Variants in SYT2 observed in about 807,000 individuals in gnomAD.
SYT2 encodes the protein synaptotagmin-2.
A neutral mutation model predicts 39.9 loss-of-function variants in SYT2; 15 were observed. That is an observed-to-expected ratio of 0.38 (90% CI 0.25 to 0.58). The LOEUF is 0.58. Ranked by LOEUF, SYT2 falls within the 20% of genes least tolerant of loss-of-function variation. The pLI is 0.70. For synonymous variants in SYT2, 181 were observed against 204.5 expected (o/e 0.89, Z 0.98); for missense variants, 389 against 530.3 (o/e 0.73, Z 2.62).
At chr1:202,654,415 A>G (rs1692244731) in intron 1 of SYT2, among the ~76,000 whole-genome samples, 1 of 152,174 alleles carries the variant, frequency 6.6e-6, no homozygotes, top group African/African-American at 2.4e-5. Context: ...CTTCGAAGGC[A>G]CCAGAACGCC....
intron 1 of SYT2, among the ~76,000 whole-genome samples, chr1:202,630,853 G>A (rs1466335097): frequency 2.6e-5 from 4 of 152,202 alleles, no homozygotes; most frequent in Non-Finnish European, 5.9e-5. Context: ...AGTACACAGG[G>A]CTCTGGCCTC....
intron 1 of SYT2, among the ~76,000 whole-genome samples, chr1:202,660,366 T>G (rs1396203406): frequency 6.6e-6 from 1 of 152,316 alleles, no homozygotes; most frequent in East Asian, 1.9e-4. Context: ...GAGGATCACA[T>G]GACAATGCAT....
At chr1:202,617,449 T>G (rs1242354609) in intron 1 of SYT2, among the ~76,000 whole-genome samples, 4 of 152,124 alleles carry the variant, frequency 2.6e-5, no homozygotes, top group Non-Finnish European at 4.4e-5. Context: ...CCCCCATGAT[T>G]GTAAGTTTCC....
At chr1:202,627,788 A>G (rs527887134) in intron 1 of SYT2, among the ~76,000 whole-genome samples, 7 of 152,316 alleles carry the variant, frequency 4.6e-5, no homozygotes, top group Non-Finnish European at 1.0e-4. Flanking sequence ...GTCAGGCTCC[A>G]TGCTAAGTGC....
chr1:202,659,477 G>T (rs112538965), intron 1 of SYT2, among the ~76,000 whole-genome samples: 6 of 152,150 alleles, frequency 3.9e-5, no homozygotes, highest in Non-Finnish European at 8.8e-5. Context: ...GAAAGAGAGC[G>T]GCAAAAAGAG....
At chr1:202,629,955 G>A (rs1691532599) in intron 1 of SYT2, among the ~76,000 whole-genome samples, 1 of 147,930 alleles carries the variant, frequency 6.8e-6, no homozygotes, top group Non-Finnish European at 1.5e-5. Context: ...TGGGGAGAGT[G>A]TGGGCATAAG....
chr1:202,706,865 G>C (rs547989868), intron 1 of SYT2, among the ~76,000 whole-genome samples: 2 of 152,108 alleles, frequency 1.3e-5, no homozygotes, highest in Non-Finnish European at 2.9e-5. Context: ...AAAATAACAC[G>C]AATAGTTATC....
chr1:202,663,320 C>T (rs1692421236), intron 1 of SYT2, among the ~76,000 whole-genome samples: 1 of 152,196 alleles, frequency 6.6e-6, no homozygotes, highest in African/African-American at 2.4e-5. Context: ...CATGGACATT[C>T]AGTTGCCATG....
Position 202,702,395 on chromosome 1 carries a change from T to G in SYT2, c.-18+7863A>C, listed in dbSNP as rs377444893. On this transcript the variant is annotated intron_variant, in intron 1 of 8. Transcript: ENST00000367268. ...TGATTTGGAAACAGGGCAGCCTTATTAAAGTGATGCCTTTTCCTACTCGTG... is the reference window on the plus strand; with the variant it reads ...TGATTTGGAAACAGGGCAGCCTTATGAAAGTGATGCCTTTTCCTACTCGTG... Among the ~76,000 whole-genome samples, 6 of 152,350 alleles carry G rather than the reference T, an allele frequency of 3.9e-5. No homozygotes were observed. The East Asian group carries it at 7.7e-4, about 20-fold the overall frequency.
In SYT2 at chr1:202,594,897, TAA is replaced by T. The variant is rs1252728022; in HGVS notation, c.*1858_*1859del. 6.6e-6 allele frequency: 1 copy of T among 152,080 alleles called. No individual in the cohort carries two copies. Among genetic ancestry groups the T allele is most frequent in the African/African-American group, 2.4e-5 (1 of 41,386 alleles). 9.4% of individuals were successfully genotyped at this position (152,080 alleles called of 1,614,324 possible). ...CCCCTTCCCCCTTTTTAAAATAAAA[TAA>T]AAAGACACTCTGCAACTTCTTCACA... On this transcript the variant is annotated 3_prime_UTR_variant, in exon 9 of 9. Transcript: ENST00000367268.
chr1:202,680,828 C>T (rs1004173428), intron 1 of SYT2, among the ~76,000 whole-genome samples: 2 of 152,142 alleles, frequency 1.3e-5, no homozygotes, highest in Admixed American at 1.3e-4. Flanking sequence ...GGTGTGATCC[C>T]ATCATTCTAG....
chr1:202,613,324 G>A (rs185794331), intron 1 of SYT2, among the ~76,000 whole-genome samples: 136 of 152,044 alleles, frequency 8.9e-4, no homozygotes, highest in African/African-American at 1.8e-3. Context: ...CAGGTGATCC[G>A]CCTGCCTCCA....
intron 3 of SYT2, 182 bp downstream of exon 3, chr1:202,604,273 C>G (rs532179338): frequency 6.2e-6 from 4 of 640,962 alleles, no homozygotes; most frequent in Admixed American, 2.5e-5. Flanking sequence ...GGAATAAGGC[C>G]CCCCCCTCCC....
chr1:202,676,224 C>T (rs1458381438), intron 1 of SYT2, among the ~76,000 whole-genome samples: 2 of 152,142 alleles, frequency 1.3e-5, no homozygotes, highest in African/African-American at 2.4e-5. Flanking sequence ...CCACTTCCCA[C>T]ATTCAACCAC....
rs1483186773 is a variant in SYT2 at position 202,710,438 on chromosome 1, T to G, written c.-198A>C. On this transcript the variant is annotated 5_prime_UTR_variant, in exon 1 of 9. Transcript: ENST00000367268. ...GAAGTGCCTTTGCCGCAAGACTTGC[T>G]GAGCTTAGCAGTCTGCGCCGAGGCG... is the stretch of plus-strand genomic sequence containing the variant. 1 of 152,320 alleles carries G rather than the reference T, an allele frequency of 6.6e-6. No homozygotes were observed. Among genetic ancestry groups the G allele is most frequent in the African/African-American group, 2.4e-5 (1 of 41,472 alleles). 9.4% of individuals were successfully genotyped at this position (152,320 alleles called of 1,614,324 possible).
chr1:202,604,728 G>T, intron 2 of SYT2, 107 bp from the exon 3 acceptor site: 1 of 1,062,178 alleles, frequency 9.4e-7, no homozygotes, highest in Non-Finnish European at 1.4e-6. Context: ...ATCCCACAAT[G>T]CCCACACCCC....
intron 1 of SYT2, among the ~76,000 whole-genome samples, chr1:202,638,565 A>G (rs1483909826): frequency 6.6e-6 from 1 of 152,216 alleles, no homozygotes; most frequent in Admixed American, 6.5e-5. Context: ...CCAAACAATA[A>G]GGGAAATTTA....
intron 1 of SYT2, among the ~76,000 whole-genome samples, chr1:202,618,881 G>GA (rs990629469): frequency 1.3e-5 from 2 of 151,936 alleles, no homozygotes; most frequent in African/African-American, 4.8e-5. Flanking sequence ...TAGAGTCAGA[G>GA]AAAAAAAATG....
chr1:202,628,145 A>G lies in SYT2; in HGVS notation c.-17-22356T>C, dbSNP rs968449492. On this transcript the variant is annotated intron_variant, in intron 1 of 8. Transcript: ENST00000367268. The surrounding 1 kb of genome is among the most constrained non-coding windows in gnomAD (Gnocchi z 4.2). ...TGTGCCCACTCCGTGCCAGCGGCAT[A>G]TTTCATTTCATCCGGGCCTTGTGAG... is the stretch of plus-strand genomic sequence containing the variant. Among the ~76,000 whole-genome samples, 20 of 151,518 alleles carry G rather than the reference A, an allele frequency of 1.3e-4. No homozygotes were observed. The highest frequency in any genetic ancestry group is 2.5e-4 in the Non-Finnish European group (17 of 68,018).
Sources: allele counts gnomAD v4.1 joint callset (sites outside exome capture counted in the v4.1 genomes callset), GRCh38; gene constraint gnomAD v4.1.1; non-coding constraint Gnocchi (gnomAD v3.1); transcripts MANE v1.5; gene names NCBI Gene and HGNC (gene_info 2026-07-23, HGNC 2026-07-21).